Variants in BFSP2 observed in about 807,000 individuals in gnomAD.
BFSP2 encodes the protein beaded filament structural protein 2.
BFSP2 carries 38 observed loss-of-function variants against 44.9 expected under a neutral mutation model. The observed-to-expected ratio is 0.85, with a 90% CI of 0.65 to 1.11. The LOEUF is 1.11. Among genes scored for constraint, BFSP2 ranks in the 50% least tolerant of loss-of-function variants. The pLI, the probability that BFSP2 is intolerant of heterozygous loss-of-function variation, is 0.00. For synonymous variants in BFSP2, 197 were observed against 209.9 expected, an observed-to-expected ratio of 0.94 and a Z score of 0.53; for missense variants, 525 against 533.0, an observed-to-expected ratio of 0.99 and a Z score of 0.15.
chr3:133,447,060 C>T (rs549731450), intron 1 of BFSP2, among the ~76,000 whole-genome samples: 1 of 152,258 alleles, frequency 6.6e-6, no homozygotes, highest in East Asian at 1.9e-4. Context: ...AACAAGTCTG[C>T]CTTTGAATAG....
intron 1 of BFSP2, among the ~76,000 whole-genome samples, chr3:133,414,217 C>G (rs1209243166): frequency 9.7e-6 from 1 of 103,336 alleles, no homozygotes; most frequent in Non-Finnish European, 2.0e-5. Context: ...CCTGCCCTCT[C>G]CCCTCCACAA....
chr3:133,469,138 A>G (rs2074138646), intron 5 of BFSP2, among the ~76,000 whole-genome samples: 1 of 152,254 alleles, frequency 6.6e-6, no homozygotes, highest in Non-Finnish European at 1.5e-5. Context: ...ACTTCAGAGT[A>G]GTGCCATTCT....
intron 4 of BFSP2, among the ~76,000 whole-genome samples, chr3:133,459,762 A>G (rs953404020): frequency 6.6e-6 from 1 of 152,248 alleles, no homozygotes; most frequent in African/African-American, 2.4e-5. Flanking sequence ...GCTGCCTGTC[A>G]AAAGCTATCC....
At chr3:133,411,194 A>C (rs1484367142) in intron 1 of BFSP2, among the ~76,000 whole-genome samples, 1 of 151,864 alleles carries the variant, frequency 6.6e-6, no homozygotes, top group African/African-American at 2.4e-5. Context: ...AAAAAAAAAA[A>C]AAAAACTAAT....
intron 1 of BFSP2, among the ~76,000 whole-genome samples, chr3:133,422,490 C>G (rs555238761): frequency 7.9e-5 from 12 of 152,304 alleles, no homozygotes; most frequent in Admixed American, 6.5e-4. Context: ...CTCTGAGGCT[C>G]CTCATCTGTA....
intron 4 of BFSP2, among the ~76,000 whole-genome samples, chr3:133,458,340 A>G (rs1401877925): frequency 2.6e-5 from 4 of 152,210 alleles, no homozygotes; most frequent in Non-Finnish European, 5.9e-5. Flanking sequence ...AGGAAAAACC[A>G]AAAGACTGTC....
In BFSP2 at chr3:133,433,577, ATAGG is replaced by A. The variant is rs2073750490; in HGVS notation, c.490-13736_490-13733del. Among the ~76,000 whole-genome samples, 3 of 152,192 alleles carry A rather than the reference ATAGG, an allele frequency of 2.0e-5. No homozygotes were observed. In the South Asian group the frequency reaches 6.2e-4, roughly 32 times the overall value. On this transcript the variant is annotated intron_variant, in intron 1 of 6. Transcript: ENST00000302334. ...TAGTCTAGGTAGACACTTTCACTGG[ATAGG>A]TAGAGTCCTTTCCTACAGGGTCTGA...
chr3:133,438,034 TGAGTATGAG>T (rs1208160421), intron 1 of BFSP2, among the ~76,000 whole-genome samples: 2 of 152,074 alleles, frequency 1.3e-5, no homozygotes, highest in Non-Finnish European at 2.9e-5. Context: ...AGAGAAAGTG[TGAGTATGAG>T]GAGGAAACTG....
intron 1 of BFSP2, among the ~76,000 whole-genome samples, chr3:133,425,784 GGAAGGGAAGGGAAGGGAA>G (rs1352394957): frequency 3.0e-4 from 4 of 13,198 alleles, no homozygotes; most frequent in Non-Finnish European, 6.5e-4. Context: ...AAAGGGAAAG[GGAAGGGAAGGGAAGGGAA>G]GAAGGGAAGG....
intron 1 of BFSP2, among the ~76,000 whole-genome samples, chr3:133,434,813 C>T (rs560409986): frequency 6.6e-6 from 1 of 152,274 alleles, no homozygotes; most frequent in Non-Finnish European, 1.5e-5. Context: ...GAACAAACCC[C>T]CTTTGACTGT....
At chr3:133,407,551 G>C (rs1261847833) in intron 1 of BFSP2, among the ~76,000 whole-genome samples, 1 of 151,982 alleles carries the variant, frequency 6.6e-6, no homozygotes, top group Non-Finnish European at 1.5e-5. Flanking sequence ...AGAAAGACAA[G>C]AATGGCCAGG....
At chr3:133,461,286 A>G (rs192379143) in intron 4 of BFSP2, among the ~76,000 whole-genome samples, 1 of 152,274 alleles carries the variant, frequency 6.6e-6, no homozygotes, top group African/African-American at 2.4e-5. Context: ...CACATCCTTC[A>G]TGTGCAAAAA....
chr3:133,400,701 A>T lies in BFSP2; in HGVS notation c.489+129A>T. On this transcript the variant is annotated intron_variant, in intron 1 of 6. Coordinates refer to ENST00000302334, the MANE Select transcript of BFSP2 (RefSeq NM_003571.4). This position sits in a 1 kb window ranked among gnomAD's most constrained non-coding sequence, Gnocchi z 4.0. ...AATCCCCTACACTTTCACACTTAAA[A>T]TGGTAATGATAACAACAATGCTACC... is the stretch of plus-strand genomic sequence containing the variant. 1 of 1,411,052 alleles carries T rather than the reference A, an allele frequency of 7.1e-7. No homozygotes were observed. Among genetic ancestry groups the T allele is most frequent in the Non-Finnish European group, 9.6e-7 (1 of 1,042,514 alleles). 87.4% of individuals were successfully genotyped at this position (1,411,052 alleles called of 1,614,324 possible).
intron 2 of BFSP2, 141 bp from the exon 3 acceptor site, chr3:133,448,348 G>A: frequency 9.3e-7 from 1 of 1,075,364 alleles, no homozygotes; most frequent in Non-Finnish European, 1.4e-6. Flanking sequence ...TGCACTAACA[G>A]TGCCCTCAAA....
chr3:133,448,978 T>C (rs1203493769), intron 3 of BFSP2: 5 of 305,460 alleles, frequency 1.6e-5, no homozygotes, highest in Non-Finnish European at 3.1e-5. Context: ...TTTTCAACAC[T>C]GTATTATACA....
chr3:133,422,312 G>C (rs2073600588), intron 1 of BFSP2, among the ~76,000 whole-genome samples: 1 of 152,040 alleles, frequency 6.6e-6, no homozygotes, highest in Non-Finnish European at 1.5e-5. Context: ...TAAAGGCATT[G>C]GATCTCACTG....
At chr3:133,411,540 C>CA (rs1275670603) in intron 1 of BFSP2, among the ~76,000 whole-genome samples, 11 of 152,078 alleles carry the variant, frequency 7.2e-5, no homozygotes, top group African/African-American at 2.7e-4. Context: ...TGCAAACAAA[C>CA]AAAAAACCTG....
chr3:133,449,998 GA>G (rs1559976101), intron 3 of BFSP2, among the ~76,000 whole-genome samples: 1,241 of 116,020 alleles, frequency 0.011, 23 homozygotes, highest in African/African-American at 0.041. Context: ...AGGAAGGAAG[GA>G]AGGAAGGAAG....
In BFSP2 at chr3:133,402,643, CT is replaced by C. The variant is rs1316696114; in HGVS notation, c.489+2086del. Among the ~76,000 whole-genome samples, 723 of 140,308 alleles carry C rather than the reference CT, an allele frequency of 5.2e-3. 4 individuals carry two copies. The highest frequency in any genetic ancestry group is 0.011 in the African/African-American group (406 of 38,340). The allele number at this position is 140,308 out of a possible 152,430, so 92.0% of individuals were successfully genotyped here. A position where few individuals can be genotyped will look rare whatever the true frequency, so the allele number is the denominator to read the frequency against. The stretch of plus-strand genomic sequence containing the variant: ...AATTGATAAAATGGAGTTATTATTT[CT>C]TTTTTTTTTTTTTTGAGATGGAGTC... On this transcript the variant is annotated intron_variant, in intron 1 of 6. Transcript: ENST00000302334.
Sources: allele counts gnomAD v4.1 joint callset (sites outside exome capture counted in the v4.1 genomes callset), GRCh38; gene constraint gnomAD v4.1.1; non-coding constraint Gnocchi (gnomAD v3.1); transcripts MANE v1.5; gene names NCBI Gene and HGNC (gene_info 2026-07-23, HGNC 2026-07-21).